QKI: variants seen among roughly 807,000 people sequenced by gnomAD.
QKI encodes the protein KH domain-containing RNA-binding protein QKI.
A neutral mutation model predicts 39.0 loss-of-function variants in QKI; 10 were observed. The observed-to-expected ratio is 0.26, with a 90% CI of 0.16 to 0.43. The LOEUF (loss-of-function observed/expected upper bound fraction) is 0.43. Ranked by LOEUF, QKI falls within the 20% of genes least tolerant of loss-of-function variation. The pLI is 1.00. For missense variants in QKI, 218 were observed against 428.0 expected, an observed-to-expected ratio of 0.51 and a Z score of 4.33; for synonymous variants, 204 against 155.4, an observed-to-expected ratio of 1.31 and a Z score of -2.33.
At chr6:163,503,553 C>G (rs575417423) in intron 3 of QKI, among the ~76,000 whole-genome samples, 2 of 152,054 alleles carry the variant, frequency 1.3e-5, no homozygotes, top group African/African-American at 4.8e-5. Flanking sequence ...TTTTGCTGTG[C>G]GGAAACTCTT....
At chr6:163,438,076 T>TA (rs1789452223) in intron 1 of QKI, among the ~76,000 whole-genome samples, 1 of 152,230 alleles carries the variant, frequency 6.6e-6, no homozygotes, top group Non-Finnish European at 1.5e-5. Flanking sequence ...ATTAACCTGT[T>TA]ACATTCTACC....
Position 163,570,894 on chromosome 6 carries a change from C to CTTTTT in QKI, c.*197_*201dup. 1.4e-5 allele frequency: 7 copies of CTTTTT among 483,838 alleles called. No homozygotes were observed. The highest frequency in any genetic ancestry group is 2.3e-5 in the Non-Finnish European group (7 of 300,360). 30.0% of individuals were successfully genotyped at this position (483,838 alleles called of 1,614,324 possible). ...AAGAAATTGTTGTCCTCCAACTCAG[C>CTTTTT]TTTTTTTTTTTTTTTTTCCTGTTTG... On this transcript the variant is annotated 3_prime_UTR_variant, in exon 8 of 8. Transcript: ENST00000361752.
chr6:163,477,741 T>A (rs1792732659), intron 2 of QKI, among the ~76,000 whole-genome samples: 1 of 152,212 alleles, frequency 6.6e-6, no homozygotes. Context: ...ACCTTTCATT[T>A]GAGAATCACT....
chr6:163,416,402 A>G (rs1787506987), intron 1 of QKI: 1 of 162,344 alleles, frequency 6.2e-6, no homozygotes, highest in Admixed American at 6.0e-5. Flanking sequence ...TGTTTCGAAA[A>G]TCGACTGGCC....
chr6:163,458,775 A>G (rs920844044), intron 2 of QKI, among the ~76,000 whole-genome samples: 4 of 152,322 alleles, frequency 2.6e-5, no homozygotes, highest in African/African-American at 9.6e-5. Flanking sequence ...AAAATGTATT[A>G]AAATTTTCAC....
intron 2 of QKI, among the ~76,000 whole-genome samples, chr6:163,470,602 A>G (rs1223235889): frequency 6.6e-6 from 1 of 152,198 alleles, no homozygotes; most frequent in African/African-American, 2.4e-5. Flanking sequence ...AAAACAATAC[A>G]AAATCCACAT....
chr6:163,453,725 A>G (rs1398482553), intron 1 of QKI, among the ~76,000 whole-genome samples: 1 of 152,166 alleles, frequency 6.6e-6, no homozygotes, highest in Non-Finnish European at 1.5e-5. Context: ...ATCCAAGGTA[A>G]TCTCTAGATT....
intron 3 of QKI, 37 bp from the exon 4 acceptor site, chr6:163,534,945 A>C (rs1376508742): frequency 6.6e-7 from 1 of 1,507,102 alleles, no homozygotes; most frequent in African/African-American, 1.4e-5. Flanking sequence ...CTCTTTAAAG[A>C]GAATAATTTT....
At chr6:163,488,931 G>A (rs1161014975) in intron 3 of QKI, among the ~76,000 whole-genome samples, 1 of 149,858 alleles carries the variant, frequency 6.7e-6, no homozygotes, top group Non-Finnish European at 1.5e-5. Flanking sequence ...TTGCTGTTTG[G>A]GTAGATTTTT....
At chr6:163,554,520 G>C (rs918849572) in intron 4 of QKI, among the ~76,000 whole-genome samples, 2 of 152,214 alleles carry the variant, frequency 1.3e-5, no homozygotes, top group African/African-American at 2.4e-5. Context: ...GGATAAGTTG[G>C]AATAAGTTGA....
intron 1 of QKI, among the ~76,000 whole-genome samples, chr6:163,418,034 T>G (rs1787676959): frequency 6.6e-6 from 1 of 152,136 alleles, no homozygotes; most frequent in South Asian, 2.1e-4. Flanking sequence ...CTTTACCCCT[T>G]TGTGGTTTGT....
intron 3 of QKI, among the ~76,000 whole-genome samples, chr6:163,518,468 A>G (rs1345779208): frequency 1.3e-5 from 2 of 152,162 alleles, no homozygotes; most frequent in East Asian, 1.9e-4. Context: ...AGTTTTTTCC[A>G]GTAATGGGTA....
At chr6:163,569,974 C>T in intron 7 of QKI, 3 of 986,324 alleles carry the variant, frequency 3.0e-6, no homozygotes, top group Non-Finnish European at 3.6e-6. Flanking sequence ...GTATTTTCAA[C>T]TGGAAAGTGT....
chr6:163,525,233 G>A (rs1780416740), intron 3 of QKI, among the ~76,000 whole-genome samples: 1 of 150,464 alleles, frequency 6.6e-6, no homozygotes, highest in Non-Finnish European at 1.5e-5. Context: ...GCTTGAGACA[G>A]GCTATATCTG....
intron 1 of QKI, among the ~76,000 whole-genome samples, chr6:163,451,387 C>T (rs565938724): frequency 2.0e-5 from 3 of 152,244 alleles, no homozygotes; most frequent in South Asian, 4.1e-4. Context: ...GGGACCTAGA[C>T]AGATCAGAGT....
At chr6:163,420,433 A>C (rs11964626) in intron 1 of QKI, among the ~76,000 whole-genome samples, 4,226 of 152,230 alleles carry the variant, frequency 0.028, 185 homozygotes, top group African/African-American at 0.096. Context: ...CTTAAAAGGC[A>C]GCCCACTGAG....
At chr6:163,568,268 T>C in intron 7 of QKI, 1 of 985,272 alleles carries the variant, frequency 1.0e-6, no homozygotes, top group Non-Finnish European at 1.2e-6. Flanking sequence ...AGCTAATCTT[T>C]CCCTATGTAT....
chr6:163,443,206 C>T (rs1005817852), intron 1 of QKI, among the ~76,000 whole-genome samples: 1 of 152,162 alleles, frequency 6.6e-6, no homozygotes, highest in Non-Finnish European at 1.5e-5. Flanking sequence ...TTTTATTTTT[C>T]GAATTCAATG....
intron 4 of QKI, among the ~76,000 whole-genome samples, chr6:163,558,404 C>CTTT (rs964172716): frequency 5.9e-5 from 8 of 135,610 alleles, no homozygotes; most frequent in African/African-American, 1.6e-4. Context: ...TTTTCTTTTT[C>CTTT]TTTTTTTTTT....
Sources: gnomAD v4.1 joint callset for allele counts (sites outside exome capture counted in the v4.1 genomes callset) on GRCh38, gnomAD v4.1.1 for gene constraint, MANE v1.5 for transcripts, NCBI Gene and HGNC (gene_info 2026-07-23, HGNC 2026-07-21) for gene names.